Variants in PCDHA9 observed in about 807,000 individuals in gnomAD.
PCDHA9 encodes protocadherin alpha 9.
A neutral mutation model predicts 62.0 loss-of-function variants in PCDHA9; 62 were observed. The observed-to-expected ratio is 1.00, with a 90% CI of 0.81 to 1.23. The LOEUF is 1.23. PCDHA9 is among the 50% of genes most tolerant of loss of function. PCDHA9 has a pLI of 0.00. For synonymous variants in PCDHA9, 557 were observed against 567.6 expected, an observed-to-expected ratio of 0.98 and a Z score of 0.27; for missense variants, 1,205 against 1,249.8, an observed-to-expected ratio of 0.96 and a Z score of 0.54.
Position 140,850,292 on chromosome 5 carries a change from C to A in PCDHA9, c.1797C>A (p.Ala599=). ...TGGGGAAGGTGCGCGCAGTGGACGCCGACTCGGGCTACAACGCGTGGCTTT... is the reference window on the plus strand; with the variant it reads ...TGGGGAAGGTGCGCGCAGTGGACGCAGACTCGGGCTACAACGCGTGGCTTT... ...VVVGKVRAVD[A]DSGYNAWLSY... Residue 599 remains alanine (A), a synonymous_variant, in exon 1 of 4, where the codon GCC becomes GCA. Coordinates refer to ENST00000532602, the MANE Select transcript of PCDHA9 (RefSeq NM_031857.2). The A allele has an allele frequency of 6.3e-7, 1 of 1,596,038 alleles. No individual in the cohort carries two copies. The highest frequency in any genetic ancestry group is 8.6e-7 in the Non-Finnish European group (1 of 1,167,576).
chr5:140,934,043 G>A (rs1241698438), intron 1 of PCDHA9, among the ~76,000 whole-genome samples: 1 of 151,818 alleles, frequency 6.6e-6, no homozygotes, highest in African/African-American at 2.4e-5. Context: ...AATGATATTA[G>A]TCTTTCCAAG....
chr5:140,868,431 G>T (rs1319024879), intron 1 of PCDHA9: 2 of 152,206 alleles, frequency 1.3e-5, no homozygotes, highest in Non-Finnish European at 2.9e-5. Flanking sequence ...GATGAGAATA[G>T]ATCATGTGGA....
At chr5:140,857,087 C>T (rs782316831) in intron 1 of PCDHA9, 8 of 1,597,160 alleles carry the variant, frequency 5.0e-6, no homozygotes, top group East Asian at 2.2e-5. Flanking sequence ...TGATAATTCA[C>T]CTGAGGTGAT....
At chr5:140,882,768 C>CA in intron 1 of PCDHA9, 1 of 1,614,222 alleles carries the variant, frequency 6.2e-7, no homozygotes, top group Non-Finnish European at 8.5e-7. Flanking sequence ...GTAAACTCGG[C>CA]ATTGACCTAC....
Position 140,884,409 on chromosome 5 carries a change from C to G in PCDHA9, c.2394+33520C>G, listed in dbSNP as rs373513056. The G allele has an allele frequency of 2.7e-5, 43 of 1,613,874 alleles. No individual in the cohort carries two copies. The highest frequency in any genetic ancestry group is 4.0e-5 in the African/African-American group (3 of 74,930). On this transcript the variant is annotated intron_variant, in intron 1 of 3. Coordinates refer to ENST00000532602, the MANE Select transcript of PCDHA9 (RefSeq NM_031857.2). ...GCGGTGTCCAGCCTGTTGGTGCTCA[C>G]GTTGCTGCTGTATACTGCGCTGCGG...
intron 1 of PCDHA9, chr5:140,966,545 G>A: frequency 2.1e-6 from 1 of 465,980 alleles, no homozygotes; most frequent in Non-Finnish European, 3.7e-6. Context: ...CGACTCGGAG[G>A]CGAGCGGAGG....
At chr5:140,877,536 T>A (rs1402880820) in intron 1 of PCDHA9, 1 of 1,613,730 alleles carries the variant, frequency 6.2e-7, no homozygotes, top group Non-Finnish European at 8.5e-7. Flanking sequence ...GCGCTGTGGA[T>A]CCCGAAGCGG....
intron 1 of PCDHA9, chr5:140,871,014 C>T (rs1554164974): frequency 1.2e-6 from 2 of 1,613,178 alleles, no homozygotes; most frequent in Admixed American, 1.7e-5. Flanking sequence ...GTGCCCTGGA[C>T]GAGGCAGACT....
intron 1 of PCDHA9, among the ~76,000 whole-genome samples, chr5:140,886,770 G>A (rs1554182701): frequency 6.8e-6 from 1 of 146,884 alleles, no homozygotes; most frequent in Non-Finnish European, 1.5e-5. Context: ...AGGTTGCAGT[G>A]AGATGAGATC....
rs1246867400 is a variant in PCDHA9, at chr5:140,885,558, AATTG to A, written c.2394+34674_2394+34677del. Among the ~76,000 whole-genome samples, 8 of 152,258 alleles carry A rather than the reference AATTG, an allele frequency of 5.3e-5. No individual in the cohort carries two copies. The South Asian group carries it at 1.0e-3, about 20-fold the overall frequency. On this transcript the variant is annotated intron_variant, in intron 1 of 3. Coordinates refer to ENST00000532602, the MANE Select transcript of PCDHA9 (RefSeq NM_031857.2). Reference sequence around the variant, plus strand: ...CAAAATATTGGTGTTATTTCTACGAAATTGATTGTCAGATGTGGAATTGATGCAT... The same window carrying A: ...CAAAATATTGGTGTTATTTCTACGAAATTGTCAGATGTGGAATTGATGCAT...
rs2150486434 is a variant in PCDHA9 at position 140,850,495 on chromosome 5, T to A, written c.2000T>A (p.Val667Glu). Residue 667 changes from valine (V) to glutamate (E), a missense_variant, in exon 1 of 4, where the codon GTG becomes GAG. Physicochemically the swap from Val to Glu is moderately radical, Grantham distance 121 (BLOSUM62 -2). Coordinates refer to ENST00000532602, the MANE Select transcript of PCDHA9 (RefSeq NM_031857.2). ...PALTATATVL[V>E]SLVESGQAPK... ...CTGACGGCCACGGCCACTGTGCTGG[T>A]GTCGCTGGTGGAGAGCGGCCAGGCG... 1.9e-6 allele frequency: 3 copies of A among 1,597,906 alleles called. No homozygotes were observed. Among genetic ancestry groups the A allele is most frequent in the South Asian group, 2.2e-5 (2 of 90,490 alleles).
At chr5:140,880,684 A>G (rs903335932) in intron 1 of PCDHA9, among the ~76,000 whole-genome samples, 27 of 152,226 alleles carry the variant, frequency 1.8e-4, no homozygotes, top group Admixed American at 1.2e-3. Flanking sequence ...TGAAGAGAAT[A>G]GTCATGGTTA....
intron 1 of PCDHA9, chr5:140,869,913 C>A (rs782111162): frequency 6.2e-7 from 1 of 1,610,636 alleles, no homozygotes; most frequent in African/African-American, 1.3e-5. Flanking sequence ...CAGACCGAGA[C>A]GAAGGAGTCA....
intron 1 of PCDHA9, among the ~76,000 whole-genome samples, chr5:140,910,536 C>G (rs1554194300): frequency 1.3e-5 from 2 of 152,168 alleles, no homozygotes; most frequent in African/African-American, 4.8e-5. Flanking sequence ...CCTCACAAAT[C>G]TATTTTGCAA....
intron 3 of PCDHA9, among the ~76,000 whole-genome samples, chr5:141,002,059 G>T (rs983772482): frequency 6.6e-6 from 1 of 152,242 alleles, no homozygotes; most frequent in East Asian, 1.9e-4. Flanking sequence ...AGAGGCAGCA[G>T]CAGCCGCCAG....
Position 140,864,265 on chromosome 5 carries a change from TC to T in PCDHA9, c.2394+13378del, listed in dbSNP as rs534238956. On this transcript the variant is annotated intron_variant, in intron 1 of 3. Coordinates refer to ENST00000532602, the MANE Select transcript of PCDHA9 (RefSeq NM_031857.2). ...ATTCATTTTCTTATTCTGATTTGTG[TC>T]CTCCATTCCTTATTGTTTTTATGTA... 9 of 152,340 alleles carry T rather than the reference TC, an allele frequency of 5.9e-5. No individual in the cohort carries two copies. In the East Asian group the frequency reaches 1.3e-3, roughly 23 times the overall value. The allele number at this position is 152,340 out of a possible 1,614,324, so 9.4% of individuals were successfully genotyped here.
chr5:140,870,447 C>T (rs1554164277), intron 1 of PCDHA9: 15 of 1,614,216 alleles, frequency 9.3e-6, no homozygotes, highest in Non-Finnish European at 9.3e-6. Flanking sequence ...CCGACGTGAA[C>T]GACAATGCGC....
chr5:140,923,297 G>C (rs1554201355), intron 1 of PCDHA9, among the ~76,000 whole-genome samples: 1 of 152,186 alleles, frequency 6.6e-6, no homozygotes, highest in African/African-American at 2.4e-5. Flanking sequence ...AATTAGCTGG[G>C]CGTGGGGGCG....
chr5:141,010,455 T>G lies in PCDHA9; in HGVS notation c.*518T>G. The stretch of plus-strand genomic sequence containing the variant: ...AACAAAGACAAATAAACAGCGGAAG[T>G]TATCAGTATGGAGGGGAAGTGTAAA... On this transcript the variant is annotated 3_prime_UTR_variant, in exon 4 of 4. Transcript: ENST00000532602. 1 of 883,470 alleles carries G rather than the reference T, an allele frequency of 1.1e-6. No homozygotes were observed. Among genetic ancestry groups the G allele is most frequent in the South Asian group, 1.9e-5 (1 of 53,228 alleles). 54.7% of individuals were successfully genotyped at this position (883,470 alleles called of 1,614,324 possible). A position where few individuals can be genotyped will look rare whatever the true frequency, so the allele number is the denominator to read the frequency against.
Sources: allele counts gnomAD v4.1 joint callset (sites outside exome capture counted in the v4.1 genomes callset), GRCh38; gene constraint gnomAD v4.1.1; transcripts MANE v1.5; gene names NCBI Gene and HGNC (gene_info 2026-07-23, HGNC 2026-07-21).